Variants in HTR2C observed in about 807,000 individuals in gnomAD.
HTR2C encodes the protein 5-hydroxytryptamine receptor 2C.
A neutral mutation model predicts 21.0 loss-of-function variants in HTR2C; 5 were observed. That is an observed-to-expected ratio of 0.24 (90% CI 0.12 to 0.50). The LOEUF (loss-of-function observed/expected upper bound fraction) is 0.50. Ranked by LOEUF, HTR2C falls within the 20% of genes least tolerant of loss-of-function variation. The pLI is 0.98. For synonymous variants in HTR2C, 150 were observed against 145.3 expected (o/e 1.03, Z -0.23); for missense variants, 271 against 371.2 (o/e 0.73, Z 2.22).
At chrX:114,769,786 T>C (rs1313927202) in intron 4 of HTR2C, among the ~76,000 whole-genome samples, 2 of 111,481 alleles carry the variant, frequency 1.8e-5, no homozygotes, top group African/African-American at 6.5e-5. Flanking sequence ...TTTTTTTTCA[T>C]GGAGTTGTCT....
intron 1 of HTR2C, among the ~76,000 whole-genome samples, chrX:114,593,478 C>T (rs979713644): frequency 1.6e-4 from 18 of 111,567 alleles, no homozygotes; most frequent in Admixed American, 3.8e-4. Flanking sequence ...ACATGCATCA[C>T]GTCACTTTTA....
intron 4 of HTR2C, among the ~76,000 whole-genome samples, chrX:114,784,104 A>G (rs1556441240): frequency 9.2e-6 from 1 of 109,225 alleles, no homozygotes; most frequent in East Asian, 2.8e-4. Context: ...AATAAAAACA[A>G]AACTGTATCA....
chrX:114,786,349 A>G (rs12393326), intron 4 of HTR2C, among the ~76,000 whole-genome samples: 6,739 of 111,937 alleles, frequency 0.06, 490 homozygotes, highest in African/African-American at 0.21. Flanking sequence ...GTTACACATG[A>G]GCACCAAGAT....
Position 114,708,065 on chromosome X carries a change from T to C in HTR2C, c.-79-18793T>C, listed in dbSNP as rs192536372. 3.6e-5 allele frequency among the ~76,000 whole-genome samples: 4 copies of C among 111,598 alleles called. No homozygotes were observed. In the East Asian group the frequency reaches 1.1e-3, roughly 32 times the overall value. Reference sequence around the variant, plus strand: ...GTTGTTTTGTTAAAAACATATATTATCAGAGTTGCATATTAGGAAAGTAAT... The same window carrying C: ...GTTGTTTTGTTAAAAACATATATTACCAGAGTTGCATATTAGGAAAGTAAT... On this transcript the variant is annotated intron_variant, in intron 2 of 5. Coordinates refer to ENST00000276198, the MANE Select transcript of HTR2C (RefSeq NM_000868.4).
chrX:114,626,837 C>T (rs1479505150), intron 2 of HTR2C, among the ~76,000 whole-genome samples: 3 of 111,794 alleles, frequency 2.7e-5, no homozygotes, highest in Non-Finnish European at 5.6e-5. Context: ...AGAGTTATAG[C>T]TGTGAGAAGA....
At chrX:114,734,564 T>TA (rs61672860) in intron 4 of HTR2C, among the ~76,000 whole-genome samples, 2 of 34,317 alleles carry the variant, frequency 5.8e-5, no homozygotes, top group African/African-American at 2.6e-4. Context: ...GCCTTACATG[T>TA]AAAAAAAAAA....
chrX:114,700,016 C>T (rs782672508), intron 2 of HTR2C, among the ~76,000 whole-genome samples: 10 of 111,565 alleles, frequency 9.0e-5, no homozygotes, highest in Admixed American at 7.6e-4. Flanking sequence ...AAAATATGAG[C>T]GTAATAAATA....
chrX:114,903,366 T>G (rs1030081972), intron 5 of HTR2C, among the ~76,000 whole-genome samples: 10 of 112,562 alleles, frequency 8.9e-5, no homozygotes, highest in African/African-American at 3.2e-4. Context: ...TCTTATAAAG[T>G]TTTTAACCAA....
At chrX:114,650,480 G>C (rs1403553648) in intron 2 of HTR2C, among the ~76,000 whole-genome samples, 1 of 110,987 alleles carries the variant, frequency 9.0e-6, no homozygotes, top group Non-Finnish European at 1.9e-5. Context: ...ATTTGTACTT[G>C]GTGTTCTCTC....
At chrX:114,726,049 C>T (rs1216494292) in intron 2 of HTR2C, among the ~76,000 whole-genome samples, 3 of 111,990 alleles carry the variant, frequency 2.7e-5, no homozygotes, top group Non-Finnish European at 5.7e-5. Context: ...CCACCCAGTT[C>T]GAGCTTCCGG....
chrX:114,643,122 T>C (rs1930201743), intron 2 of HTR2C, among the ~76,000 whole-genome samples: 1 of 111,613 alleles, frequency 9.0e-6, no homozygotes, highest in Non-Finnish European at 1.9e-5. Flanking sequence ...TTATTTTTGC[T>C]GTTTTGGGGG....
intron 2 of HTR2C, among the ~76,000 whole-genome samples, chrX:114,718,924 T>TTA (rs1191449664): frequency 9.9e-6 from 1 of 101,451 alleles, no homozygotes. Flanking sequence ...TTTTATATAA[T>TTA]TATATATATA....
At chrX:114,805,695 CACCA>C (rs2070404455) in intron 4 of HTR2C, among the ~76,000 whole-genome samples, 1 of 6,399 alleles carries the variant, frequency 1.6e-4, no homozygotes, top group African/African-American at 3.6e-4. Context: ...CATATATATA[CACCA>C]TATATATACC....
chrX:114,823,962 T>C (rs2070657888), intron 4 of HTR2C, among the ~76,000 whole-genome samples: 1 of 111,912 alleles, frequency 8.9e-6, no homozygotes. Flanking sequence ...GATTATATCC[T>C]GAAAAGCAGC....
chrX:114,717,157 G>A (rs1473955612), intron 2 of HTR2C, among the ~76,000 whole-genome samples: 1 of 109,809 alleles, frequency 9.1e-6, no homozygotes, highest in Non-Finnish European at 1.9e-5. Flanking sequence ...CTGCAGCCTC[G>A]ACCACCTGAG....
At chrX:114,726,386 C>G (rs113765939) in intron 2 of HTR2C, among the ~76,000 whole-genome samples, 1 of 112,090 alleles carries the variant, frequency 8.9e-6, no homozygotes, top group Non-Finnish European at 1.9e-5. Context: ...GCGCACGGTG[C>G]GTGCACCCAC....
rs781969280 is a variant in HTR2C at position 114,820,222 on chromosome X, A to T, written c.350-27781A>T. 1.1e-4 allele frequency among the ~76,000 whole-genome samples: 12 copies of T among 109,164 alleles called. No homozygotes were observed. The East Asian group carries it at 3.4e-3, about 31-fold the overall frequency. The allele number at this position is 109,164 out of a possible 115,157, so 94.8% of individuals were successfully genotyped here. A position where few individuals can be genotyped will look rare whatever the true frequency, so the allele number is the denominator to read the frequency against. The stretch of plus-strand genomic sequence containing the variant: ...TTTCTTTGGGGTACATAGTAGATAT[A>T]TAAATATTATAAAATATTATAAATA... On this transcript the variant is annotated intron_variant, in intron 4 of 5. Transcript: ENST00000276198.
At chrX:114,806,234 CAT>C (rs1158931508) in intron 4 of HTR2C, among the ~76,000 whole-genome samples, 3 of 96,063 alleles carry the variant, frequency 3.1e-5, no homozygotes, top group African/African-American at 1.1e-4. Context: ...ATATATATAC[CAT>C]ATATATACCA....
chrX:114,686,573 T>G (rs1323820446), intron 2 of HTR2C, among the ~76,000 whole-genome samples: 2 of 111,088 alleles, frequency 1.8e-5, no homozygotes, highest in Non-Finnish European at 3.8e-5. Context: ...AAATGTAAAC[T>G]CTTTAAACAG....
Sources: gnomAD v4.1 joint callset for allele counts (sites outside exome capture counted in the v4.1 genomes callset) on GRCh38, gnomAD v4.1.1 for gene constraint, MANE v1.5 for transcripts, NCBI Gene and HGNC (gene_info 2026-07-23, HGNC 2026-07-21) for gene names.